BEGAIN: variants seen among roughly 807,000 people sequenced by gnomAD.
BEGAIN encodes brain enriched guanylate kinase associated.
A neutral mutation model predicts 35.8 loss-of-function variants in BEGAIN; 19 were observed. That is an observed-to-expected ratio of 0.53 (90% CI 0.37 to 0.78). The LOEUF is 0.78. Ranked by LOEUF, BEGAIN falls within the 30% of genes least tolerant of loss-of-function variation. BEGAIN has a pLI of 0.00. For synonymous variants in BEGAIN, 462 were observed against 388.6 expected, an observed-to-expected ratio of 1.19 and a Z score of -2.22; for missense variants, 795 against 853.6, an observed-to-expected ratio of 0.93 and a Z score of 0.85.
chr14:100,542,130 C>T (rs904247752), intron 5 of BEGAIN, among the ~76,000 whole-genome samples: 1 of 151,984 alleles, frequency 6.6e-6, no homozygotes, highest in Non-Finnish European at 1.5e-5. Flanking sequence ...GAGCCCATGT[C>T]CTCCTGTCCT....
Position 100,568,831 on chromosome 14 carries a change from C to A in BEGAIN, c.43-892G>T. On this transcript the variant is annotated intron_variant, in intron 1 of 6. Transcript: ENST00000554140. The surrounding 1 kb of genome is among the most constrained non-coding windows in gnomAD (Gnocchi z 7.5). ...AGAGGCCGCTCCCCGGGGCTTTGCC[C>A]GTCTTTCTGTGCCGTGACTGGCACT... 1.0e-6 allele frequency: 1 copy of A among 982,300 alleles called. No homozygotes were observed. Among genetic ancestry groups the A allele is most frequent in the Non-Finnish European group, 1.2e-6 (1 of 826,940 alleles). The allele number at this position is 982,300 out of a possible 1,614,324, so 60.8% of individuals were successfully genotyped here.
chr14:100,551,728 G>A (rs552135407), intron 2 of BEGAIN, among the ~76,000 whole-genome samples: 1 of 152,248 alleles, frequency 6.6e-6, no homozygotes, highest in African/African-American at 2.4e-5. Context: ...GTCACCATTA[G>A]CACCCATGGG....
At chr14:100,579,052 A>G (rs75679553) in intron 1 of BEGAIN, among the ~76,000 whole-genome samples, 2 of 151,946 alleles carry the variant, frequency 1.3e-5, no homozygotes. Flanking sequence ...GTAGACACAG[A>G]GTTTCACCAT....
Position 100,568,819 on chromosome 14 carries a change from C to T in BEGAIN, c.43-880G>A, listed in dbSNP as rs1025846637. On this transcript the variant is annotated intron_variant, in intron 1 of 6. Transcript: ENST00000554140. This position sits in a 1 kb window ranked among gnomAD's most constrained non-coding sequence, Gnocchi z 7.5. ...CTATCACCCGGGAGAGGCCGCTCCC[C>T]GGGGCTTTGCCCGTCTTTCTGTGCC... is the stretch of plus-strand genomic sequence containing the variant. The T allele has an allele frequency of 5.4e-5, 53 of 975,510 alleles. No homozygotes were observed. The African/African-American group carries it at 9.0e-4, about 16-fold the overall frequency. The allele number at this position is 975,510 out of a possible 1,614,324, so 60.4% of individuals were successfully genotyped here.
chr14:100,566,560 G>A (rs2034701796), intron 2 of BEGAIN, among the ~76,000 whole-genome samples: 1 of 152,196 alleles, frequency 6.6e-6, no homozygotes, highest in African/African-American at 2.4e-5. Context: ...GACAGCCAAT[G>A]TGGGGCACCA....
intron 4 of BEGAIN, 80 bp from the exon 5 acceptor site, chr14:100,544,045 G>C: frequency 9.5e-7 from 1 of 1,051,004 alleles, no homozygotes. Context: ...GCACCCCCTG[G>C]TTTGTCCCTT....
chr14:100,551,837 C>T (rs1200331804), intron 2 of BEGAIN, among the ~76,000 whole-genome samples: 1 of 151,876 alleles, frequency 6.6e-6, no homozygotes, highest in African/African-American at 2.4e-5. Flanking sequence ...CAGAAGTGGG[C>T]GGGGGTCTGA....
At chr14:100,577,622 A>T in intron 1 of BEGAIN, 1 of 399,092 alleles carries the variant, frequency 2.5e-6, no homozygotes, top group Non-Finnish European at 4.4e-6. Flanking sequence ...AGGAACCTGG[A>T]GAAGGGCAGT....
rs975475006 is a variant in BEGAIN at position 100,573,821 on chromosome 14, G to A, written c.43-5882C>T. 6.6e-6 allele frequency among the ~76,000 whole-genome samples: 1 copy of A among 152,064 alleles called. No individual in the cohort carries two copies. The highest frequency in any genetic ancestry group is 1.5e-5 in the Non-Finnish European group (1 of 68,008). On this transcript the variant is annotated intron_variant, in intron 1 of 6. Coordinates refer to ENST00000554140, the MANE Select transcript of BEGAIN (RefSeq NM_001385089.1). This position sits in a 1 kb window ranked among gnomAD's most constrained non-coding sequence, Gnocchi z 4.2. ...CCAGATCAGAGGTGACACAGCCGCAGCACTGGGGAGGCCGCCAGGGCAGCC... is the reference window on the plus strand; with the variant it reads ...CCAGATCAGAGGTGACACAGCCGCAACACTGGGGAGGCCGCCAGGGCAGCC...
intron 5 of BEGAIN, among the ~76,000 whole-genome samples, chr14:100,541,480 GC>G (rs2031600202): frequency 6.6e-6 from 1 of 152,256 alleles, no homozygotes; most frequent in Non-Finnish European, 1.5e-5. Context: ...CTCACTGAAG[GC>G]TGGTGCCCCC....
chr14:100,558,160 C>T lies in BEGAIN; in HGVS notation c.71+9751G>A, dbSNP rs1012203141. On this transcript the variant is annotated intron_variant, in intron 2 of 6. Transcript: ENST00000554140. This position sits in a 1 kb window ranked among gnomAD's most constrained non-coding sequence, Gnocchi z 4.6. The stretch of plus-strand genomic sequence containing the variant: ...TATTGAGAACAACCCTCTCTTCACC[C>T]TCCAGGTACAGTCCCTGTTCCCTGA... Among the ~76,000 whole-genome samples, 1 of 151,770 alleles carries T rather than the reference C, an allele frequency of 6.6e-6. No individual in the cohort carries two copies. The highest frequency in any genetic ancestry group is 1.5e-5 in the Non-Finnish European group (1 of 67,996).
intron 2 of BEGAIN, among the ~76,000 whole-genome samples, chr14:100,551,960 G>A (rs2033247959): frequency 6.6e-6 from 1 of 152,170 alleles, no homozygotes. Flanking sequence ...AATGACCCCG[G>A]TGCTGCTGAG....
chr14:100,561,558 G>C (rs79664407), intron 2 of BEGAIN, among the ~76,000 whole-genome samples: 25,197 of 151,938 alleles, frequency 0.17, 2,772 homozygotes, highest in East Asian at 0.53. Flanking sequence ...AGACCAGCCT[G>C]GGCGACATGG....
intron 2 of BEGAIN, chr14:100,548,733 A>G (rs1460870324): frequency 6.6e-6 from 1 of 152,106 alleles, no homozygotes; most frequent in African/African-American, 2.4e-5. Flanking sequence ...GGAGGCAGAC[A>G]ATGAGCTAGG....
intron 2 of BEGAIN, among the ~76,000 whole-genome samples, chr14:100,556,874 T>TATGTCCCTGGGCATCCCTCCATGCC (rs2033775926): frequency 1.3e-5 from 2 of 152,196 alleles, no homozygotes; most frequent in Admixed American, 1.3e-4. Flanking sequence ...GGCAGCAGGC[T>TATGTCCCTGGGCATCCCTCCATGCC]ATGTCCCTGG....
chr14:100,568,704 C>T lies in BEGAIN; in HGVS notation c.43-765G>A, dbSNP rs1222511246. On this transcript the variant is annotated intron_variant, in intron 1 of 6. Coordinates refer to ENST00000554140, the MANE Select transcript of BEGAIN (RefSeq NM_001385089.1). This position sits in a 1 kb window ranked among gnomAD's most constrained non-coding sequence, Gnocchi z 7.5. ...AGGGGGACCCACCCGCCGCCGTTAA[C>T]CTTGTGGGCGCGGGCGAGCGACGGG... Among the ~76,000 whole-genome samples, 1 of 151,916 alleles carries T rather than the reference C, an allele frequency of 6.6e-6. No individual in the cohort carries two copies. Among genetic ancestry groups the T allele is most frequent in the Non-Finnish European group, 1.5e-5 (1 of 67,932 alleles).
intron 2 of BEGAIN, among the ~76,000 whole-genome samples, chr14:100,559,979 TC>T (rs564357856): frequency 1.5e-3 from 227 of 152,258 alleles, no homozygotes; most frequent in African/African-American, 5.4e-3. Flanking sequence ...GGCCCGGGGC[TC>T]CCTAAGCCTC....
rs1416505505 is a variant in BEGAIN at position 100,543,818 on chromosome 14, A to G, written c.408+40T>C. The G allele has an allele frequency of 4.6e-6, 7 of 1,537,186 alleles. No individual in the cohort carries two copies. In the Admixed American group the frequency reaches 1.0e-4, roughly 23 times the overall value. On this transcript the variant is annotated intron_variant, in intron 5 of 6. Transcript: ENST00000554140. ...TCCTGGGAAGCCCTCGCCTAGGCCC[A>G]CCGGCAGTCTTCCATGGGCCAAGTG... is the stretch of plus-strand genomic sequence containing the variant.
chr14:100,584,548 G>T (rs2035392884), intron 1 of BEGAIN, among the ~76,000 whole-genome samples: 1 of 152,196 alleles, frequency 6.6e-6, no homozygotes, highest in African/African-American at 2.4e-5. Context: ...AGCATGTTAG[G>T]TGAGTGTAGA....
Sources: gnomAD v4.1 joint callset for allele counts (sites outside exome capture counted in the v4.1 genomes callset) on GRCh38, gnomAD v4.1.1 for gene constraint, Gnocchi (gnomAD v3.1) non-coding constraint, MANE v1.5 for transcripts, NCBI Gene and HGNC (gene_info 2026-07-23, HGNC 2026-07-21) for gene names.